Variants in PCDHA6 observed in about 807,000 individuals in gnomAD.
The protein encoded by PCDHA6 is protocadherin alpha 6.
A neutral mutation model predicts 60.3 loss-of-function variants in PCDHA6; 55 were observed. The observed-to-expected ratio is 0.91, with a 90% confidence interval of 0.73 to 1.14. The LOEUF is 1.14. PCDHA6 is among the 50% of genes most tolerant of loss of function. The probability of loss-of-function intolerance (pLI) is 0.00; values close to 1 mark genes in which losing one functional copy is unlikely to be tolerated. For missense variants in PCDHA6, 1,327 were observed against 1,256.5 expected (o/e 1.06, Z -0.85); for synonymous variants, 652 against 557.9 (o/e 1.17, Z -2.38).
chr5:140,929,308 G>A, intron 1 of PCDHA6: 3 of 1,569,682 alleles, frequency 1.9e-6, no homozygotes, highest in East Asian at 2.3e-5. Context: ...AGGGGATCAC[G>A]CTAATGTCAA....
chr5:140,890,173 C>T (rs1188650558), intron 1 of PCDHA6, among the ~76,000 whole-genome samples: 4 of 152,114 alleles, frequency 2.6e-5, no homozygotes, highest in African/African-American at 7.2e-5. Context: ...CAGAAATAGG[C>T]AAATGCTACA....
At chr5:140,908,429 G>A (rs575934093) in intron 1 of PCDHA6, among the ~76,000 whole-genome samples, 1 of 152,280 alleles carries the variant, frequency 6.6e-6, no homozygotes, top group African/African-American at 2.4e-5. Flanking sequence ...ATGCTGCTGT[G>A]CGCACCCCAC....
intron 1 of PCDHA6, among the ~76,000 whole-genome samples, chr5:140,923,800 T>C (rs1235494729): frequency 2.0e-5 from 3 of 152,178 alleles, no homozygotes; most frequent in Non-Finnish European, 4.4e-5. Flanking sequence ...TTTTCACAAA[T>C]GAAATCTTCT....
At chr5:140,968,365 T>C (rs1554230638) in intron 1 of PCDHA6, 1 of 1,614,112 alleles carries the variant, frequency 6.2e-7, no homozygotes, top group Non-Finnish European at 8.5e-7. Context: ...GCCTTTATGC[T>C]GTCAACTCCT....
At chr5:140,878,153 A>G (rs554763085) in intron 1 of PCDHA6, 21 of 178,230 alleles carry the variant, frequency 1.2e-4, no homozygotes, top group Non-Finnish European at 2.3e-4. Context: ...TGATAACTTA[A>G]AAATTTAATT....
At chr5:140,877,403 G>A (rs199806507) in intron 1 of PCDHA6, 243 of 1,613,770 alleles carry the variant, frequency 1.5e-4, no homozygotes, top group Non-Finnish European at 1.9e-4. Flanking sequence ...GACGCTCCGC[G>A]CCACCGCCTG....
chr5:140,911,502 G>A (rs911736161), intron 1 of PCDHA6, among the ~76,000 whole-genome samples: 4 of 152,104 alleles, frequency 2.6e-5, no homozygotes, highest in Admixed American at 1.3e-4. Flanking sequence ...CAGGTTTGAG[G>A]TTCAGTATCT....
chr5:140,893,662 A>T (rs1462433571), intron 1 of PCDHA6, among the ~76,000 whole-genome samples: 5 of 152,204 alleles, frequency 3.3e-5, no homozygotes, highest in African/African-American at 1.2e-4. Context: ...GTTTTAAAAA[A>T]TTTCAGCACT....
At chr5:140,926,340 C>G (rs2083154977) in intron 1 of PCDHA6, 1 of 152,400 alleles carries the variant, frequency 6.6e-6, no homozygotes, top group Non-Finnish European at 1.5e-5. Flanking sequence ...GCGCCGGGAC[C>G]CGACGCGCGG....
At chr5:140,966,448 C>T (rs1198594007) in intron 1 of PCDHA6, 2 of 425,466 alleles carry the variant, frequency 4.7e-6, no homozygotes, top group Non-Finnish European at 8.2e-6. Context: ...TCCCTTTCCC[C>T]CTCCCCCTCT....
At chr5:141,009,118 C>G (rs2098400274) in intron 3 of PCDHA6, among the ~76,000 whole-genome samples, 1 of 152,182 alleles carries the variant, frequency 6.6e-6, no homozygotes, top group Non-Finnish European at 1.5e-5. Flanking sequence ...AAACTAGATT[C>G]TTGGTATCCT....
intron 1 of PCDHA6, among the ~76,000 whole-genome samples, chr5:140,955,262 C>T (rs1473601347): frequency 1.3e-5 from 2 of 152,044 alleles, no homozygotes; most frequent in African/African-American, 4.8e-5. Flanking sequence ...TATAAAGGCT[C>T]TTTTTTGGTT....
chr5:140,877,700 G>A, intron 1 of PCDHA6: 1 of 1,613,996 alleles, frequency 6.2e-7, no homozygotes, highest in Non-Finnish European at 8.5e-7. Flanking sequence ...GTGTGCTCCA[G>A]CGCCGTGGGG....
At chr5:140,970,693 G>C (rs2096425356) in intron 1 of PCDHA6, among the ~76,000 whole-genome samples, 1 of 152,134 alleles carries the variant, frequency 6.6e-6, no homozygotes, top group South Asian at 2.1e-4. Flanking sequence ...AGGGCTTTTA[G>C]AGCTACTACA....
chr5:141,010,136 CTCTT>C lies in PCDHA6; in HGVS notation c.*203_*206del, dbSNP rs782073868. The C allele has an allele frequency of 1.9e-6, 3 of 1,594,824 alleles. No homozygotes were observed. Among genetic ancestry groups the C allele is most frequent in the Non-Finnish European group, 2.6e-6 (3 of 1,169,724 alleles). On this transcript the variant is annotated 3_prime_UTR_variant, in exon 4 of 4. Transcript: ENST00000529310. ...AAAGCTTTACTAAGTCTGGTGTTAACTCTTTCTCTCCACTCTGGCTTGTTTTCAG... is the reference window on the plus strand; with the variant it reads ...AAAGCTTTACTAAGTCTGGTGTTAACTCTCTCCACTCTGGCTTGTTTTCAG...
At chr5:140,908,078 A>G (rs1047293736) in intron 1 of PCDHA6, among the ~76,000 whole-genome samples, 2 of 152,202 alleles carry the variant, frequency 1.3e-5, no homozygotes, top group Admixed American at 6.5e-5. Context: ...AAAGTGCACA[A>G]CCAGGTGCAC....
At chr5:140,835,552 C>G (rs550090383) in intron 1 of PCDHA6, 1 of 1,613,824 alleles carries the variant, frequency 6.2e-7, no homozygotes. Flanking sequence ...TGCTCCCTGA[C>G]GCCCCGCGTT....
At chr5:140,876,131 C>G in intron 1 of PCDHA6, 3 of 1,613,872 alleles carry the variant, frequency 1.9e-6, no homozygotes, top group Non-Finnish European at 2.5e-6. Context: ...GGCGGTAAAC[C>G]AGAACTAACA....
Position 140,848,651 on chromosome 5 carries a change from G to A in PCDHA6, c.2394+18166G>A. ...TCGTGGGCCGCATCGCGCAGGACCT[G>A]GGGCTGGAGCTGGCGGAGCTGGTGC... is the stretch of plus-strand genomic sequence containing the variant. On this transcript the variant is annotated intron_variant, in intron 1 of 3. Transcript: ENST00000529310. The A allele has an allele frequency of 1.3e-6, 2 of 1,592,962 alleles. 1 individual carries two copies. The highest frequency in any genetic ancestry group is 1.7e-6 in the Non-Finnish European group (2 of 1,163,756).
Sources: allele counts gnomAD v4.1 joint callset (sites outside exome capture counted in the v4.1 genomes callset), GRCh38; gene constraint gnomAD v4.1.1; transcripts MANE v1.5; gene names NCBI Gene and HGNC (gene_info 2026-07-23, HGNC 2026-07-21).